TSGA10: variants seen among roughly 807,000 people sequenced by gnomAD.
TSGA10 encodes the protein testis specific 10.
Under a neutral mutation model 96.6 loss-of-function variants are expected in TSGA10, and 43 were observed. That is an observed-to-expected ratio of 0.44 (90% CI 0.35 to 0.57). The LOEUF is 0.57. TSGA10 is among the 20% of genes least tolerant of loss of function. The pLI is 0.01. For missense variants in TSGA10, 703 were observed against 834.4 expected (o/e 0.84, Z 1.94); for synonymous variants, 229 against 269.9 (o/e 0.85, Z 1.48).
chr2:99,036,240 T>C (rs1016879292), intron 16 of TSGA10, among the ~76,000 whole-genome samples: 1 of 152,092 alleles, frequency 6.6e-6, no homozygotes, highest in Admixed American at 6.5e-5. Context: ...CCATTATAAG[T>C]TATTTGGCCA....
chr2:99,073,672 G>A (rs2123686), intron 12 of TSGA10, among the ~76,000 whole-genome samples: 65,945 of 151,902 alleles, frequency 0.43, 16,975 homozygotes, highest in African/African-American at 0.72. Flanking sequence ...AAAGGTAAGA[G>A]AAATAAACTA....
intron 10 of TSGA10, among the ~76,000 whole-genome samples, chr2:99,098,636 T>A (rs931343596): frequency 6.6e-6 from 1 of 150,384 alleles, no homozygotes; most frequent in Non-Finnish European, 1.5e-5. Context: ...CAAAGCAAAA[T>A]GTTGGTCTTT....
chr2:99,106,721 C>T (rs541836318), intron 7 of TSGA10, among the ~76,000 whole-genome samples: 6 of 139,622 alleles, frequency 4.3e-5, no homozygotes, highest in African/African-American at 1.6e-4. Flanking sequence ...CTTGATATTT[C>T]AGTGGTCTGT....
intron 4 of TSGA10, 95 bp from the exon 5 acceptor site, chr2:99,111,010 T>C (rs2091760399): frequency 8.1e-6 from 2 of 247,030 alleles, no homozygotes; most frequent in Non-Finnish European, 1.3e-5. Context: ...CCACTTAAAA[T>C]AAAAACATGA....
At chr2:99,144,745 C>T (rs1042299735) in intron 1 of TSGA10, among the ~76,000 whole-genome samples, 2 of 150,552 alleles carry the variant, frequency 1.3e-5, no homozygotes, top group African/African-American at 4.9e-5. Context: ...TGCCATTCTT[C>T]ACAGTTCCAG....
rs776683141 is a variant in TSGA10, at chr2:99,059,417, C to T, written c.1404+5522G>A. On this transcript the variant is annotated intron_variant, in intron 16 of 20. Coordinates refer to ENST00000393483, the MANE Select transcript of TSGA10 (RefSeq NM_025244.4). ...TCGGAAGCCGACGTGGGCAGATCAC[C>T]TGAGGTCAGGAGTTCGAGACCAGTC... is the stretch of plus-strand genomic sequence containing the variant. Among the ~76,000 whole-genome samples the T allele has an allele frequency of 2.5e-4, 38 of 150,750 alleles. 2 individuals are homozygous for T. Among genetic ancestry groups the T allele is most frequent in the Admixed American group, 2.0e-3 (30 of 15,110 alleles).
At chr2:99,036,529 C>T (rs1233909757) in intron 16 of TSGA10, among the ~76,000 whole-genome samples, 1 of 151,474 alleles carries the variant, frequency 6.6e-6, no homozygotes. Flanking sequence ...TAATTAATAC[C>T]CTAAGAGAAA....
intron 20 of TSGA10, 117 bp downstream of exon 20, chr2:99,018,083 T>A: frequency 2.2e-6 from 2 of 910,448 alleles, no homozygotes; most frequent in Non-Finnish European, 3.1e-6. Context: ...ATCTTGGTAA[T>A]CATGTTTAAA....
At chr2:99,039,726 T>C (rs912231327) in intron 16 of TSGA10, among the ~76,000 whole-genome samples, 2 of 152,148 alleles carry the variant, frequency 1.3e-5, no homozygotes, top group Non-Finnish European at 2.9e-5. Flanking sequence ...ACTGAAATTA[T>C]TCCACAAGGC....
chr2:99,152,887 G>A (rs187425709), intron 1 of TSGA10, among the ~76,000 whole-genome samples: 2 of 152,196 alleles, frequency 1.3e-5, no homozygotes, highest in African/African-American at 4.8e-5. Flanking sequence ...AGACTTACCA[G>A]GTTTACAAGG....
At chr2:99,073,138 G>C (rs2086182343) in intron 12 of TSGA10, 65 bp from the exon 13 acceptor site, 5 of 1,102,364 alleles carry the variant, frequency 4.5e-6, no homozygotes, top group Non-Finnish European at 6.6e-6. Context: ...AAAATTGAAT[G>C]AACAAAAAGA....
At chr2:99,122,435 T>A (rs537676109) in intron 2 of TSGA10, among the ~76,000 whole-genome samples, 1 of 151,838 alleles carries the variant, frequency 6.6e-6, no homozygotes, top group African/African-American at 2.4e-5. Context: ...ATATTTCCTG[T>A]ACATGCATTT....
At chr2:99,031,806 T>C (rs1445456953) in intron 17 of TSGA10, among the ~76,000 whole-genome samples, 1 of 152,174 alleles carries the variant, frequency 6.6e-6, no homozygotes, top group East Asian at 1.9e-4. Context: ...TAGATTCTCA[T>C]AGGAGTGGAA....
At chr2:99,053,624 A>G (rs1478647208) in intron 16 of TSGA10, among the ~76,000 whole-genome samples, 1 of 152,218 alleles carries the variant, frequency 6.6e-6, no homozygotes, top group African/African-American at 2.4e-5. Context: ...GTACCTCAAC[A>G]CAATAAAGGC....
intron 20 of TSGA10, among the ~76,000 whole-genome samples, chr2:99,001,628 A>C (rs1430323047): frequency 6.6e-6 from 1 of 152,170 alleles, no homozygotes; most frequent in Admixed American, 6.5e-5. Flanking sequence ...CTGGACAGAG[A>C]ATGACTTTAA....
intron 1 of TSGA10, among the ~76,000 whole-genome samples, chr2:99,134,559 A>G (rs1467717854): frequency 6.6e-6 from 1 of 152,058 alleles, no homozygotes; most frequent in East Asian, 1.9e-4. Context: ...GTTATTACCC[A>G]CCTTCTGAAG....
chr2:99,055,501 T>C, intron 16 of TSGA10, among the ~76,000 whole-genome samples: 1 of 151,904 alleles, frequency 6.6e-6, no homozygotes, highest in East Asian at 1.9e-4. Context: ...GGCAAGCATA[T>C]GAGGTGCTGG....
chr2:99,139,170 G>C (rs2093433770), intron 1 of TSGA10, among the ~76,000 whole-genome samples: 1 of 152,092 alleles, frequency 6.6e-6, no homozygotes, highest in South Asian at 2.1e-4. Context: ...GGCTGAGATA[G>C]GAGAATCACT....
intron 16 of TSGA10, among the ~76,000 whole-genome samples, chr2:99,058,199 G>C (rs970090481): frequency 6.6e-6 from 1 of 152,146 alleles, no homozygotes; most frequent in African/African-American, 2.4e-5. Context: ...AAAATTGATT[G>C]TGGTGATCAT....
Sources: allele counts gnomAD v4.1 joint callset (sites outside exome capture counted in the v4.1 genomes callset), GRCh38; gene constraint gnomAD v4.1.1; transcripts MANE v1.5; gene names NCBI Gene and HGNC (gene_info 2026-07-23, HGNC 2026-07-21).